CLDN14: variants seen among roughly 807,000 people sequenced by gnomAD.
CLDN14 encodes the protein claudin-14.
In CLDN14, 2 loss-of-function variants were observed where a neutral mutation model predicts 2.1. That is an observed-to-expected ratio of 0.96 (90% CI 0.39 to 3.01). The LOEUF is 3.01. Ranked by LOEUF, CLDN14 falls within the 30% of genes most tolerant of loss-of-function variation. The pLI, the probability that CLDN14 is intolerant of heterozygous loss-of-function variation, is 0.09. For missense variants in CLDN14, 298 were observed against 328.0 expected (o/e 0.91, Z 0.71); for synonymous variants, 136 against 154.4 (o/e 0.88, Z 0.88).
chr21:36,462,639 G>A (rs567801476), intron 1 of CLDN14, among the ~76,000 whole-genome samples: 3 of 152,078 alleles, frequency 2.0e-5, no homozygotes, highest in Admixed American at 6.5e-5. Context: ...GCATATAGAA[G>A]ACACTAAGGG....
intron 2 of CLDN14, chr21:36,486,826 T>C: frequency 1.4e-6 from 1 of 734,744 alleles, no homozygotes. Flanking sequence ...ATGGGCCATG[T>C]GGATGCCAGT....
intron 1 of CLDN14, among the ~76,000 whole-genome samples, chr21:36,549,144 TG>T (rs1412268206): frequency 6.6e-6 from 1 of 150,824 alleles, no homozygotes; most frequent in Non-Finnish European, 1.5e-5. Context: ...TCATAGCTGG[TG>T]TTTTTTTTTT....
Position 36,551,306 on chromosome 21 carries a change from C to T in CLDN14, c.-220+25105G>A, listed in dbSNP as rs1247601716. ...GGAGGGAGGACCCCAGTGAGATCTC[C>T]GAGCAGATGCACTGTTCCCTGCGGA... On this transcript the variant is annotated intron_variant, in intron 1 of 2. Transcript: ENST00000342108. The surrounding 1 kb of genome is among the most constrained non-coding windows in gnomAD (Gnocchi z 4.8). Among the ~76,000 whole-genome samples, 3 of 152,224 alleles carry T rather than the reference C, an allele frequency of 2.0e-5. No individual in the cohort carries two copies. The highest frequency in any genetic ancestry group is 6.5e-5 in the Admixed American group (1 of 15,284).
At chr21:36,543,370 G>C (rs752915695) in intron 1 of CLDN14, among the ~76,000 whole-genome samples, 1 of 152,104 alleles carries the variant, frequency 6.6e-6, no homozygotes, top group Non-Finnish European at 1.5e-5. Flanking sequence ...ATTAGAAAAA[G>C]ATTCAAAGAA....
chr21:36,462,938 CAAACAA>C lies in CLDN14; in HGVS notation c.-81-1168_-81-1163del, dbSNP rs1407316303. ...GTCTCAAAAAAACAAAACAAGCAAA[CAAACAA>C]AAAAAAACACTAGGAAATATAGAAG... On this transcript the variant is annotated intron_variant, in intron 1 of 1. Transcript: ENST00000399135. Among the ~76,000 whole-genome samples the C allele has an allele frequency of 5.9e-3, 614 of 104,930 alleles. 7 individuals carry two copies. Among genetic ancestry groups the C allele is most frequent in the African/African-American group, 0.026 (573 of 21,830 alleles). The allele number at this position is 104,930 out of a possible 152,430, so 68.8% of individuals were successfully genotyped here. A position where few individuals can be genotyped will look rare whatever the true frequency, so the allele number is the denominator to read the frequency against.
rs990520691 is a variant in CLDN14, at chr21:36,461,291, G to A, written c.405C>T (p.Ala135=). The change falls in exon 2 of 2, where the codon GCC becomes GCT. Residue 135 remains alanine, a synonymous_variant. Coordinates refer to ENST00000399135, the MANE Select transcript of CLDN14 (RefSeq NM_001146079.2). ...CCACGTCGTTGGTGGTCCAGGAGAC[G>A]GCCACCATGCACAGGAGGCCGGCCA... ...FILAGLLCMV[A]VSWTTNDVVQ... 6.8e-6 allele frequency: 11 copies of A among 1,613,658 alleles called. No homozygotes were observed. Among genetic ancestry groups the A allele is most frequent in the African/African-American group, 2.7e-5 (2 of 74,952 alleles).
chr21:36,564,596 G>A (rs1568882982), intron 1 of CLDN14, among the ~76,000 whole-genome samples: 1 of 152,196 alleles, frequency 6.6e-6, no homozygotes, highest in South Asian at 2.1e-4. Flanking sequence ...TTTCACCAGA[G>A]ACCTCAGGTG....
intron 2 of CLDN14, among the ~76,000 whole-genome samples, chr21:36,500,074 T>C (rs1445209469): frequency 6.6e-6 from 1 of 152,180 alleles, no homozygotes; most frequent in East Asian, 1.9e-4. Flanking sequence ...AGGCAAGGTT[T>C]TCAATGTGGT....
intron 1 of CLDN14, among the ~76,000 whole-genome samples, chr21:36,463,189 G>A (rs769129712): frequency 7.9e-5 from 12 of 152,188 alleles, no homozygotes; most frequent in African/African-American, 1.9e-4. Flanking sequence ...CCCTGGCTGC[G>A]CCCATCCAGT....
chr21:36,495,846 G>A (rs2087011512), intron 2 of CLDN14, among the ~76,000 whole-genome samples: 1 of 152,198 alleles, frequency 6.6e-6, no homozygotes, highest in African/African-American at 2.4e-5. Context: ...AATGCCACTG[G>A]TGTCCTTATA....
At chr21:36,554,409 AC>A (rs1196700173) in intron 1 of CLDN14, among the ~76,000 whole-genome samples, 1 of 152,218 alleles carries the variant, frequency 6.6e-6, no homozygotes, top group African/African-American at 2.4e-5. Flanking sequence ...ACACAGGGTT[AC>A]AGGTGCCCCG....
chr21:36,474,052 C>T (rs1338657872), intron 1 of CLDN14, among the ~76,000 whole-genome samples: 3 of 152,096 alleles, frequency 2.0e-5, no homozygotes, highest in Non-Finnish European at 4.4e-5. Context: ...GACAGAGGGA[C>T]AGGAGGGAAT....
chr21:36,522,861 T>C (rs1276545559), intron 1 of CLDN14, among the ~76,000 whole-genome samples: 2 of 152,124 alleles, frequency 1.3e-5, no homozygotes, highest in African/African-American at 4.8e-5. Flanking sequence ...GGAGGACCCT[T>C]GTCTTCAATG....
At chr21:36,468,461 C>T (rs1169547821) in intron 1 of CLDN14, among the ~76,000 whole-genome samples, 1 of 152,056 alleles carries the variant, frequency 6.6e-6, no homozygotes, top group Non-Finnish European at 1.5e-5. Context: ...CCTGTAATCC[C>T]AGCTACTTGG....
intron 1 of CLDN14, among the ~76,000 whole-genome samples, chr21:36,523,907 G>T (rs2087300369): frequency 6.6e-6 from 1 of 151,994 alleles, no homozygotes; most frequent in Non-Finnish European, 1.5e-5. Flanking sequence ...ACTCCGAGAT[G>T]CTCCAGCCCT....
chr21:36,463,813 A>C (rs944944261), intron 1 of CLDN14, among the ~76,000 whole-genome samples: 1 of 152,256 alleles, frequency 6.6e-6, no homozygotes, highest in Non-Finnish European at 1.5e-5. Context: ...TGATGCTTCC[A>C]CTGGGAGTCT....
chr21:36,484,969 C>T (rs1262930734), upstream of CLDN14, among the ~76,000 whole-genome samples: 2 of 151,944 alleles, frequency 1.3e-5, no homozygotes, highest in Non-Finnish European at 2.9e-5. Flanking sequence ...GCCTCGGCCT[C>T]CCAAAGTGCT....
chr21:36,537,883 AG>A (rs1344157813), intron 1 of CLDN14, among the ~76,000 whole-genome samples: 1 of 152,088 alleles, frequency 6.6e-6, no homozygotes, highest in African/African-American at 2.4e-5. Flanking sequence ...CTCCTGACCT[AG>A]TGATCTGCCT....
In CLDN14 at chr21:36,499,275, G is replaced by A. The variant is rs79807401; in HGVS notation, c.-82+11088C>T. On this transcript the variant is annotated intron_variant, in intron 2 of 2. Transcript: ENST00000342108. The surrounding 1 kb of genome is among the most constrained non-coding windows in gnomAD (Gnocchi z 4.7). Reference sequence around the variant, plus strand: ...CAAGGTTTTTGTTTGTTTGTTTGTCGGTCTTACTCTGTCGCCCAGGCTGGA... The same window carrying A: ...CAAGGTTTTTGTTTGTTTGTTTGTCAGTCTTACTCTGTCGCCCAGGCTGGA... Among the ~76,000 whole-genome samples the A allele has an allele frequency of 5.9e-5, 9 of 152,194 alleles. No homozygotes were observed. The East Asian group carries it at 1.4e-3, about 23-fold the overall frequency.
Sources: allele counts gnomAD v4.1 joint callset (sites outside exome capture counted in the v4.1 genomes callset), GRCh38; gene constraint gnomAD v4.1.1; non-coding constraint Gnocchi (gnomAD v3.1); transcripts MANE v1.5; gene names NCBI Gene and HGNC (gene_info 2026-07-23, HGNC 2026-07-21).